The following ICA1L variants were observed in gnomAD, a reference collection of about 807,000 sequenced individuals.
ICA1L encodes the protein islet cell autoantigen 1-like protein.
A neutral mutation model predicts 61.3 loss-of-function variants in ICA1L; 50 were observed. The ratio of observed to expected loss-of-function variants is 0.82; its 90% CI spans 0.65 to 1.03. The LOEUF is 1.03. Ranked by LOEUF, ICA1L falls within the 50% of genes least tolerant of loss-of-function variation. ICA1L has a pLI of 0.00. For missense variants in ICA1L, 508 were observed against 556.7 expected (o/e 0.91, Z 0.88); for synonymous variants, 161 against 191.3 (o/e 0.84, Z 1.31).
chr2:202,798,512 A>G (rs545105869), intron 9 of ICA1L, among the ~76,000 whole-genome samples: 1 of 152,228 alleles, frequency 6.6e-6, no homozygotes, highest in South Asian at 2.1e-4. Context: ...AAGTGCCAGG[A>G]TAACAGGTGT....
At chr2:202,827,791 C>T (rs994416896) in intron 2 of ICA1L, among the ~76,000 whole-genome samples, 1 of 152,220 alleles carries the variant, frequency 6.6e-6, no homozygotes, top group African/African-American at 2.4e-5. Context: ...AGTAAAAGCT[C>T]GTTAAATTTT....
intron 9 of ICA1L, 139 bp from the exon 10 acceptor site, chr2:202,797,103 T>G (rs1306766944): frequency 1.9e-6 from 1 of 517,522 alleles, no homozygotes; most frequent in Admixed American, 3.7e-5. Context: ...ACATAAAAAT[T>G]TAAATAATCT....
chr2:202,796,579 T>C (rs1692932436), intron 10 of ICA1L, among the ~76,000 whole-genome samples: 1 of 152,214 alleles, frequency 6.6e-6, no homozygotes, highest in South Asian at 2.1e-4. Flanking sequence ...TGACACTAGA[T>C]ATACAAACAA....
intron 9 of ICA1L, among the ~76,000 whole-genome samples, chr2:202,801,967 C>T (rs1693097436): frequency 6.6e-6 from 1 of 152,102 alleles, no homozygotes; most frequent in Non-Finnish European, 1.5e-5. Flanking sequence ...GGCTGGTATT[C>T]ACAAATCACT....
At chr2:202,861,658 G>A (rs1038758393) in intron 1 of ICA1L, among the ~76,000 whole-genome samples, 5 of 151,328 alleles carry the variant, frequency 3.3e-5, no homozygotes, top group East Asian at 1.9e-4. Context: ...AGGCTGAGGC[G>A]GGCGGATCAC....
chr2:202,843,986 C>T (rs763204000), intron 1 of ICA1L, among the ~76,000 whole-genome samples: 2 of 152,108 alleles, frequency 1.3e-5, no homozygotes, highest in Non-Finnish European at 2.9e-5. Flanking sequence ...TTTTCCTTAG[C>T]TTTTCCCAGT....
chr2:202,827,192 G>A (rs1270245742), intron 2 of ICA1L, among the ~76,000 whole-genome samples: 3 of 152,158 alleles, frequency 2.0e-5, no homozygotes, highest in African/African-American at 7.2e-5. Flanking sequence ...TCAGGAGTTT[G>A]AGACCAGCCT....
chr2:202,796,801 G>C, intron 10 of ICA1L, 89 bp downstream of exon 10: 1 of 734,776 alleles, frequency 1.4e-6, no homozygotes, highest in South Asian at 2.0e-5. Context: ...TAGAGACCCA[G>C]ACAGTTTCTA....
intron 1 of ICA1L, among the ~76,000 whole-genome samples, chr2:202,833,450 T>C (rs1694065812): frequency 6.6e-6 from 1 of 152,106 alleles, no homozygotes; most frequent in South Asian, 2.1e-4. Context: ...CCATGTATGG[T>C]GGTGTGAGCC....
intron 1 of ICA1L, among the ~76,000 whole-genome samples, chr2:202,846,931 A>G (rs1694479473): frequency 6.6e-6 from 1 of 152,348 alleles, no homozygotes; most frequent in South Asian, 2.1e-4. Flanking sequence ...CTCTCCTGCT[A>G]ACAATCGAAC....
At chr2:202,861,213 C>T (rs1694900592) in intron 1 of ICA1L, among the ~76,000 whole-genome samples, 1 of 150,844 alleles carries the variant, frequency 6.6e-6, no homozygotes, top group Non-Finnish European at 1.5e-5. Flanking sequence ...GGGGACAGGG[C>T]GAGACTCCAT....
At chr2:202,868,805 T>C (rs1687601682) in intron 1 of ICA1L, among the ~76,000 whole-genome samples, 1 of 151,102 alleles carries the variant, frequency 6.6e-6, no homozygotes, top group Non-Finnish European at 1.5e-5. Flanking sequence ...CCATCTCTAC[T>C]AAAAATAAGA....
In ICA1L at chr2:202,814,730, C is replaced by A. The variant is rs764565427; in HGVS notation, c.838G>T (p.Gly280Cys). 7.4e-6 allele frequency: 12 copies of A among 1,613,658 alleles called. No homozygotes were observed. The Admixed American group carries it at 8.3e-5, about 11-fold the overall frequency. The change falls in exon 8 of 13, where the codon GGC becomes TGC. Residue 280 changes from glycine (G) to cysteine (C), a missense_variant. Coordinates refer to ENST00000358299, the MANE Select transcript of ICA1L (RefSeq NM_001288622.3). ...TTGAGCTGTTCAGTAAGAAAACCGC[C>A]TATTTGTTCATCTTTATTGTCTTCA... ...ISEDNKDEQI[G>C]GFLTEQLNKL...
At chr2:202,855,936 TG>T (rs1218463246) in intron 1 of ICA1L, among the ~76,000 whole-genome samples, 3 of 151,650 alleles carry the variant, frequency 2.0e-5, no homozygotes, top group African/African-American at 7.3e-5. Flanking sequence ...TAGCTGGGTG[TG>T]GTGGCGGGTG....
In ICA1L at chr2:202,828,969, G is replaced by A. The variant is rs1169880226; in HGVS notation, c.41C>T (p.Ser14Leu). 1 of 1,605,936 alleles carries A rather than the reference G, an allele frequency of 6.2e-7. No homozygotes were observed. The highest frequency in any genetic ancestry group is 8.5e-7 in the Non-Finnish European group (1 of 1,176,270). The change falls in exon 2 of 13, where the codon TCA (serine) becomes TTA (leucine). Residue 14 changes from serine to leucine, a missense_variant. Transcript: ENST00000358299. ...TTTCTTTTGCATTCTTCTGACTACTGACTGATTATCTTCTGGTCTGGGTTG... is the reference window on the plus strand; with the variant it reads ...TTTCTTTTGCATTCTTCTGACTACTAACTGATTATCTTCTGGTCTGGGTTG... ...FGQPRPEDNQ[S>L]VVRRMQKKYW...
chr2:202,814,646 A>G (rs1239653635), intron 8 of ICA1L, 56 bp downstream of exon 8: 6 of 1,106,686 alleles, frequency 5.4e-6, no homozygotes, highest in South Asian at 5.2e-5. Flanking sequence ...CACATATATC[A>G]TATGATGGTA....
intron 5 of ICA1L, among the ~76,000 whole-genome samples, chr2:202,817,894 C>A (rs2105849050): frequency 6.6e-6 from 1 of 152,246 alleles, no homozygotes; most frequent in South Asian, 2.1e-4. Context: ...GGAAAGGGGA[C>A]CTCGTTAAAG....
intron 2 of ICA1L, among the ~76,000 whole-genome samples, chr2:202,828,263 CAAAAA>C (rs56039507): frequency 2.2e-5 from 3 of 136,438 alleles, no homozygotes; most frequent in Non-Finnish European, 4.7e-5. Flanking sequence ...AACCTCCATC[CAAAAA>C]AAAAAAAAAA....
chr2:202,859,040 G>T (rs1211450773), intron 1 of ICA1L, among the ~76,000 whole-genome samples: 1 of 152,108 alleles, frequency 6.6e-6, no homozygotes, highest in South Asian at 2.1e-4. Flanking sequence ...ATTCAGAAAT[G>T]GTTTTTGGCT....
Sources: allele counts gnomAD v4.1 joint callset (sites outside exome capture counted in the v4.1 genomes callset), GRCh38; gene constraint gnomAD v4.1.1; transcripts MANE v1.5; gene names NCBI Gene and HGNC (gene_info 2026-07-23, HGNC 2026-07-21).